NTM: variants seen among roughly 807,000 people sequenced by gnomAD.
The protein encoded by NTM is IgLON family member 2.
Under a neutral mutation model 42.1 loss-of-function variants are expected in NTM, and 13 were observed. The observed-to-expected ratio is 0.31, with a 90% CI of 0.20 to 0.49. The LOEUF (loss-of-function observed/expected upper bound fraction) is 0.49. Among genes scored for constraint, NTM ranks in the 20% least tolerant of loss-of-function variants. NTM has a pLI of 0.99. For missense variants in NTM, 373 were observed against 452.8 expected, an observed-to-expected ratio of 0.82 and a Z score of 1.60; for synonymous variants, 187 against 179.2, an observed-to-expected ratio of 1.04 and a Z score of -0.35.
Position 132,002,922 on chromosome 11 carries a change from G to A in NTM, c.167+91274G>A, listed in dbSNP as rs2135314503. Among the ~76,000 whole-genome samples, 1 of 146,166 alleles carries A rather than the reference G, an allele frequency of 6.8e-6. No homozygotes were observed. Among genetic ancestry groups the A allele is most frequent in the African/African-American group, 2.8e-5 (1 of 35,734 alleles). On this transcript the variant is annotated intron_variant, in intron 2 of 8. Transcript: ENST00000683400. This position sits in a 1 kb window ranked among gnomAD's most constrained non-coding sequence, Gnocchi z 4.5. ...TTATTACTGTTTACTGTTAATAACA[G>A]AAATTACTATTAAAAAAGAGGAAAC...
intron 2 of NTM, among the ~76,000 whole-genome samples, chr11:131,951,472 C>A (rs1219015726): frequency 6.6e-6 from 1 of 152,146 alleles, no homozygotes; most frequent in Admixed American, 6.5e-5. Context: ...TTAACCTGCT[C>A]CTCTGAATAA....
intron 2 of NTM, among the ~76,000 whole-genome samples, chr11:132,022,452 G>T (rs914151325): frequency 3.9e-5 from 6 of 152,018 alleles, no homozygotes; most frequent in African/African-American, 7.3e-5. Flanking sequence ...CATGATATTC[G>T]TTATCACAGC....
At chr11:131,476,987 A>G (rs960429486) in intron 1 of NTM, among the ~76,000 whole-genome samples, 2 of 152,112 alleles carry the variant, frequency 1.3e-5, no homozygotes, top group African/African-American at 4.8e-5. Context: ...CTTGCTATGC[A>G]TACCCCGCAC....
intron 1 of NTM, chr11:131,502,901 GTCA>G: frequency 6.6e-6 from 1 of 152,380 alleles, no homozygotes; most frequent in East Asian, 1.9e-4. Context: ...CAGGGCAGAA[GTCA>G]TCATATCCAT....
intron 3 of NTM, among the ~76,000 whole-genome samples, chr11:132,194,577 C>G (rs1180736420): frequency 1.3e-5 from 2 of 152,138 alleles, no homozygotes; most frequent in African/African-American, 4.8e-5. Context: ...TTACCACTCT[C>G]ACCAGACCTA....
At chr11:131,762,954 G>A (rs977810360) in intron 1 of NTM, among the ~76,000 whole-genome samples, 5 of 152,194 alleles carry the variant, frequency 3.3e-5, no homozygotes, top group Non-Finnish European at 5.9e-5. Context: ...TGGCAGCCCG[G>A]GAATGTCGCA....
intron 4 of NTM, among the ~76,000 whole-genome samples, chr11:132,217,356 T>TGTGTGTGTGTGTGTG (rs1491403568): frequency 2.2e-5 from 3 of 135,232 alleles, no homozygotes; most frequent in African/African-American, 2.8e-5. Flanking sequence ...CTCTCTCTCT[T>TGTGTGTGTGTGTGTG]TCTGTGTGTG....
At chr11:132,024,624 G>A (rs2074908576) in intron 2 of NTM, among the ~76,000 whole-genome samples, 1 of 152,222 alleles carries the variant, frequency 6.6e-6, no homozygotes, top group Admixed American at 6.5e-5. Flanking sequence ...GGGCAAATGT[G>A]GGACTGGCTT....
At chr11:131,893,735 A>G (rs1163726158) in intron 1 of NTM, among the ~76,000 whole-genome samples, 1 of 152,166 alleles carries the variant, frequency 6.6e-6, no homozygotes, top group African/African-American at 2.4e-5. Flanking sequence ...GGAAGCCTGG[A>G]GGTGGGGTGT....
rs536792219 is a variant in NTM, at chr11:131,695,088, G to T, written c.83-216476G>T. Among the ~76,000 whole-genome samples, 387 of 152,264 alleles carry T rather than the reference G, an allele frequency of 2.5e-3. 3 individuals are homozygous for T. Among genetic ancestry groups the T allele is most frequent in the African/African-American group, 8.6e-3 (359 of 41,560 alleles). Reference sequence around the variant, plus strand: ...GAGCTGTCTGCCAGGGGAAACGCACGATGCGTTGTCCAGGACATTCTCACC... The same window carrying T: ...GAGCTGTCTGCCAGGGGAAACGCACTATGCGTTGTCCAGGACATTCTCACC... On this transcript the variant is annotated intron_variant, in intron 1 of 8. Transcript: ENST00000683400.
chr11:132,121,062 C>G (rs1240426588), intron 2 of NTM, among the ~76,000 whole-genome samples: 1 of 152,200 alleles, frequency 6.6e-6, no homozygotes, highest in African/African-American at 2.4e-5. Context: ...TGGTTTAACT[C>G]TCCTCAAAGT....
At chr11:131,486,998 AC>A (rs1448694334) in intron 1 of NTM, among the ~76,000 whole-genome samples, 4 of 152,150 alleles carry the variant, frequency 2.6e-5, no homozygotes, top group African/African-American at 9.7e-5. Context: ...TTGTAATGCC[AC>A]CAGTTCTTCA....
intron 1 of NTM, among the ~76,000 whole-genome samples, chr11:131,502,562 G>C (rs961804508): frequency 1.3e-5 from 2 of 152,148 alleles, no homozygotes; most frequent in African/African-American, 4.8e-5. Flanking sequence ...GGGTGCAAGA[G>C]AGTGAGGAGT....
At position 131,976,534 on chromosome 11, in the gene NTM, G is replaced by A. The variant is rs546544793; in HGVS notation, c.167+64886G>A. Among the ~76,000 whole-genome samples, 10 of 152,138 alleles carry A rather than the reference G, an allele frequency of 6.6e-5. No homozygotes were observed. In the South Asian group the frequency reaches 2.1e-3, roughly 32 times the overall value. On this transcript the variant is annotated intron_variant, in intron 2 of 8. Transcript: ENST00000683400. ...TGTCTTTTTTAACTATAGGAGATGG[G>A]CACACTGTTCAACACACAGATAATT... is the stretch of plus-strand genomic sequence containing the variant.
intron 1 of NTM, among the ~76,000 whole-genome samples, chr11:131,513,026 A>G (rs2136476549): frequency 6.6e-6 from 1 of 152,134 alleles, no homozygotes; most frequent in South Asian, 2.1e-4. Flanking sequence ...GCTGCACTTA[A>G]TACCTTGTTT....
In NTM at chr11:131,666,715, A is replaced by G. The variant is rs76743997; in HGVS notation, c.83-244849A>G. Among the ~76,000 whole-genome samples, 1,507 of 152,260 alleles carry G rather than the reference A, an allele frequency of 9.9e-3. 26 individuals are homozygous for G. Among genetic ancestry groups the G allele is most frequent in the African/African-American group, 0.034 (1,415 of 41,542 alleles). On this transcript the variant is annotated intron_variant, in intron 1 of 8. Coordinates refer to ENST00000683400, the MANE Select transcript of NTM (RefSeq NM_001352005.2). ...GAGTCCTCAGCCTCTCTGGTCCACA[A>G]ATGGATAAGATCAGTGCAACAGAGA...
rs922275233 is a variant in NTM, at chr11:131,928,621, G to A, written c.167+16973G>A. On this transcript the variant is annotated intron_variant, in intron 2 of 8. Coordinates refer to ENST00000683400, the MANE Select transcript of NTM (RefSeq NM_001352005.2). ...CTCTGTTTGTTTTCTGTGGTCTCCC[G>A]TCTGTGTTTTGTCCCACTGCAAACT... is the stretch of plus-strand genomic sequence containing the variant. Among the ~76,000 whole-genome samples the A allele has an allele frequency of 8.1e-5, 11 of 135,992 alleles. No homozygotes were observed. In the South Asian group the frequency reaches 9.7e-4, roughly 12 times the overall value. 89.2% of individuals were successfully genotyped at this position (135,992 alleles called of 152,430 possible). A position where few individuals can be genotyped will look rare whatever the true frequency, so the allele number is the denominator to read the frequency against.
chr11:132,069,417 T>C (rs1463545843), intron 2 of NTM, among the ~76,000 whole-genome samples: 1 of 120,268 alleles, frequency 8.3e-6, no homozygotes, highest in African/African-American at 3.6e-5. Flanking sequence ...AAACTGACTG[T>C]CACCGGTTAG....
intron 1 of NTM, among the ~76,000 whole-genome samples, chr11:131,415,352 G>C (rs183180645): frequency 6.6e-6 from 1 of 152,256 alleles, no homozygotes; most frequent in East Asian, 1.9e-4. Flanking sequence ...AACCCCCTCT[G>C]AGCCCTGGCT....
Sources: gnomAD v4.1 joint callset for allele counts (sites outside exome capture counted in the v4.1 genomes callset) on GRCh38, gnomAD v4.1.1 for gene constraint, Gnocchi (gnomAD v3.1) non-coding constraint, MANE v1.5 for transcripts, NCBI Gene and HGNC (gene_info 2026-07-23, HGNC 2026-07-21) for gene names.